GPHN: variants seen among roughly 807,000 people sequenced by gnomAD.
The protein encoded by GPHN is gephyrin.
A neutral mutation model predicts 95.5 loss-of-function variants in GPHN; 17 were observed. The observed-to-expected ratio is 0.18, with a 90% confidence interval of 0.12 to 0.27. The LOEUF (loss-of-function observed/expected upper bound fraction) is 0.27. Among genes scored for constraint, GPHN ranks in the 10% least tolerant of loss-of-function variants. GPHN has a pLI of 1.00. For missense variants in GPHN, 660 were observed against 978.1 expected, an observed-to-expected ratio of 0.67 and a Z score of 4.34; for synonymous variants, 320 against 322.5, an observed-to-expected ratio of 0.99 and a Z score of 0.08.
the GPHN span, among the ~76,000 whole-genome samples, chr14:67,439,629 T>A: frequency 6.7e-6 from 1 of 148,294 alleles, no homozygotes; most frequent in Admixed American, 6.8e-5. Flanking sequence ...CTCACAAAAG[T>A]TTCAATAGTT....
chr14:66,777,155 C>G (rs1469946941), intron 3 of GPHN, among the ~76,000 whole-genome samples: 1 of 151,710 alleles, frequency 6.6e-6, no homozygotes, highest in Admixed American at 6.6e-5. Flanking sequence ...CCACCGATCC[C>G]GCAGAAATAC....
chr14:67,394,846 G>C, the GPHN span, among the ~76,000 whole-genome samples: 1 of 152,162 alleles, frequency 6.6e-6, no homozygotes, highest in Non-Finnish European at 1.5e-5. Flanking sequence ...GAATGGGACT[G>C]GTGGCTTTAT....
chr14:67,107,271 T>C (rs1252481296), intron 13 of GPHN, among the ~76,000 whole-genome samples: 1 of 152,132 alleles, frequency 6.6e-6, no homozygotes, highest in Non-Finnish European at 1.5e-5. Context: ...TCCAAGCAGC[T>C]ACAGTGGCAC....
the GPHN span, among the ~76,000 whole-genome samples, chr14:67,307,597 T>A: frequency 6.6e-6 from 1 of 152,198 alleles, no homozygotes; most frequent in African/African-American, 2.4e-5. Flanking sequence ...GGTATAAAAA[T>A]GTATTAATAA....
chr14:67,577,698 C>A, the GPHN span, among the ~76,000 whole-genome samples: 1 of 152,184 alleles, frequency 6.6e-6, no homozygotes, highest in Non-Finnish European at 1.5e-5. Context: ...GTTTATGTTG[C>A]TTCTGGACTG....
intron 2 of GPHN, among the ~76,000 whole-genome samples, chr14:66,712,534 T>C (rs975976497): frequency 2.0e-5 from 3 of 152,136 alleles, no homozygotes; most frequent in East Asian, 1.9e-4. Context: ...TCTGGAGATA[T>C]TAGCCCTTTG....
the GPHN span, among the ~76,000 whole-genome samples, chr14:67,459,499 G>A: frequency 6.6e-6 from 1 of 152,316 alleles, no homozygotes; most frequent in East Asian, 1.9e-4. Flanking sequence ...CAGGCAAGAG[G>A]ATAGATTAGA....
At position 66,837,113 on chromosome 14, in the gene GPHN, TA is replaced by T. The variant is rs971698228; in HGVS notation, c.294+12550del. Among the ~76,000 whole-genome samples, 6 of 151,504 alleles carry T rather than the reference TA, an allele frequency of 4.0e-5. 1 individual carries two copies. Among genetic ancestry groups the T allele is most frequent in the African/African-American group, 1.5e-4 (6 of 40,980 alleles). ...TACTGGGTATATACCCAAAGGATTATAAATCATGCTGCTATAAAGACACATG... is the reference window on the plus strand; with the variant it reads ...TACTGGGTATATACCCAAAGGATTATAATCATGCTGCTATAAAGACACATG... On this transcript the variant is annotated intron_variant, in intron 4 of 22. Coordinates refer to ENST00000478722, the MANE Select transcript of GPHN (RefSeq NM_020806.5).
chr14:66,708,825 A>C (rs2069344743), intron 2 of GPHN, among the ~76,000 whole-genome samples: 1 of 152,080 alleles, frequency 6.6e-6, no homozygotes, highest in South Asian at 2.1e-4. Context: ...CTTCCACTAA[A>C]CTTGCATTTA....
At chr14:67,592,645 G>C in the GPHN span, 1 of 1,594,752 alleles carries the variant, frequency 6.3e-7, no homozygotes, top group Middle Eastern at 2.1e-4. Context: ...CTGGAAGACG[G>C]GTACTACTTG....
At chr14:66,931,206 A>G (rs958376388) in intron 8 of GPHN, among the ~76,000 whole-genome samples, 4 of 152,170 alleles carry the variant, frequency 2.6e-5, no homozygotes, top group African/African-American at 9.7e-5. Context: ...CCACTGAGAA[A>G]TCTGCTGCCA....
chr14:66,566,278 T>G (rs1017807796), intron 1 of GPHN, among the ~76,000 whole-genome samples: 1 of 152,124 alleles, frequency 6.6e-6, no homozygotes, highest in African/African-American at 2.4e-5. Context: ...ATGCCACCAT[T>G]TTGCTGTACT....
the GPHN span, chr14:67,199,503 A>T: frequency 6.2e-7 from 1 of 1,612,904 alleles, no homozygotes; most frequent in South Asian, 1.1e-5. Context: ...GCCTTTATTA[A>T]TTTTGCTTCA....
intron 8 of GPHN, among the ~76,000 whole-genome samples, chr14:66,927,065 G>A (rs941688645): frequency 6.6e-6 from 1 of 151,980 alleles, no homozygotes; most frequent in Non-Finnish European, 1.5e-5. Flanking sequence ...TAGAAATGCT[G>A]CTAATTGGCC....
the GPHN span, among the ~76,000 whole-genome samples, chr14:67,627,232 C>G: frequency 7.2e-6 from 1 of 139,254 alleles, no homozygotes; most frequent in South Asian, 2.2e-4. Flanking sequence ...AATTAAAAAA[C>G]TAGGCAATTG....
the GPHN span, among the ~76,000 whole-genome samples, chr14:67,548,897 G>A: frequency 6.6e-6 from 1 of 152,254 alleles, no homozygotes; most frequent in South Asian, 2.1e-4. Context: ...AAAATTTGTA[G>A]TTCAGAAATT....
chr14:66,596,353 C>G (rs1295822826), intron 1 of GPHN, among the ~76,000 whole-genome samples: 1 of 152,118 alleles, frequency 6.6e-6, no homozygotes, highest in African/African-American at 2.4e-5. Flanking sequence ...TGAGGTTTCA[C>G]CAGGTACCTG....
chr14:67,478,714 A>T, the GPHN span, among the ~76,000 whole-genome samples: 1 of 152,250 alleles, frequency 6.6e-6, no homozygotes, highest in Admixed American at 6.5e-5. Flanking sequence ...GGCCCCACCC[A>T]GGGCCGGTGA....
At chr14:66,540,065 A>G (rs1264631570) in intron 1 of GPHN, among the ~76,000 whole-genome samples, 1 of 152,210 alleles carries the variant, frequency 6.6e-6, no homozygotes, top group East Asian at 1.9e-4. Context: ...CTGCATAACA[A>G]ATGACCTCTA....
Sources: gnomAD v4.1 joint callset for allele counts (sites outside exome capture counted in the v4.1 genomes callset) on GRCh38, gnomAD v4.1.1 for gene constraint, MANE v1.5 for transcripts, NCBI Gene and HGNC (gene_info 2026-07-23, HGNC 2026-07-21) for gene names.